GPR158: variants seen among roughly 807,000 people sequenced by gnomAD.
GPR158 encodes the protein metabotropic glycine receptor.
GPR158 carries 30 observed loss-of-function variants against 78.2 expected under a neutral mutation model. The ratio of observed to expected loss-of-function variants is 0.38; its 90% CI spans 0.29 to 0.52. The LOEUF is 0.52. Among genes scored for constraint, GPR158 ranks in the 20% least tolerant of loss-of-function variants. The pLI, the probability that GPR158 is intolerant of heterozygous loss-of-function variation, is 0.83. For synonymous variants in GPR158, 581 were observed against 591.1 expected (o/e 0.98, Z 0.25); for missense variants, 1,463 against 1,523.5 (o/e 0.96, Z 0.66).
At chr10:25,520,978 G>T (rs1836258297) in intron 5 of GPR158, among the ~76,000 whole-genome samples, 2 of 152,320 alleles carry the variant, frequency 1.3e-5, no homozygotes, top group Non-Finnish European at 2.9e-5. Flanking sequence ...CTGGCGCCTT[G>T]CAGTTTGATC....
chr10:25,588,896 AC>A, intron 7 of GPR158, 110 bp from the exon 8 acceptor site: 1 of 570,516 alleles, frequency 1.8e-6, no homozygotes, highest in Non-Finnish European at 2.9e-6. Context: ...AGACTTTCTA[AC>A]CCATCTATTT....
intron 2 of GPR158, among the ~76,000 whole-genome samples, chr10:25,314,573 GT>G (rs1854818453): frequency 6.7e-6 from 1 of 150,192 alleles, no homozygotes; most frequent in Non-Finnish European, 1.5e-5. Flanking sequence ...TTAGATCAAT[GT>G]TTTTCTTTAC....
intron 2 of GPR158, among the ~76,000 whole-genome samples, chr10:25,382,181 A>G (rs1003683669): frequency 2.0e-5 from 3 of 152,212 alleles, no homozygotes; most frequent in Non-Finnish European, 4.4e-5. Context: ...TACGTTTGTC[A>G]AGCCTTTGGG....
At chr10:25,587,141 G>A (rs1837280081) in intron 7 of GPR158, among the ~76,000 whole-genome samples, 1 of 152,186 alleles carries the variant, frequency 6.6e-6, no homozygotes. Flanking sequence ...ATCATGATGG[G>A]TGAGGGATCT....
chr10:25,598,599 C>A lies in GPR158; in HGVS notation c.2973C>A (p.Asn991Lys). The A allele has an allele frequency of 1.2e-6, 2 of 1,614,016 alleles. No homozygotes were observed. The highest frequency in any genetic ancestry group is 4.5e-5 in the East Asian group (2 of 44,850). Residue 991 changes from asparagine to lysine, a missense_variant, in exon 11 of 11, where the codon AAC becomes AAA. Coordinates refer to ENST00000376351, the MANE Select transcript of GPR158 (RefSeq NM_020752.3). ...VNPTTANSDLNPGTTQMKDNF... is the reference protein window; with the variant it reads ...VNPTTANSDLKPGTTQMKDNF... ...CCACCACTGCCAATTCTGACCTGAA[C>A]CCAGGCACCACCCAGATGAAGGACA... is the stretch of plus-strand genomic sequence containing the variant.
intron 2 of GPR158, among the ~76,000 whole-genome samples, chr10:25,261,895 T>C (rs1348212302): frequency 1.3e-5 from 2 of 152,160 alleles, no homozygotes; most frequent in Non-Finnish European, 2.9e-5. Context: ...AGTATGTTAA[T>C]TGACCATAAC....
At chr10:25,413,132 C>A (rs549407241) in intron 4 of GPR158, among the ~76,000 whole-genome samples, 2 of 151,882 alleles carry the variant, frequency 1.3e-5, no homozygotes, top group African/African-American at 4.8e-5. Flanking sequence ...ACCAGCCTGA[C>A]CAACATAGCA....
chr10:25,325,448 T>C (rs1449395590), intron 2 of GPR158, among the ~76,000 whole-genome samples: 2 of 136,320 alleles, frequency 1.5e-5, no homozygotes, highest in South Asian at 2.4e-4. Flanking sequence ...TATATATGTA[T>C]GTCTAAGTAT....
At chr10:25,416,958 G>A (rs956086) in intron 4 of GPR158, among the ~76,000 whole-genome samples, 105,484 of 151,966 alleles carry the variant, frequency 0.69, 37,702 homozygotes, top group Non-Finnish European at 0.8. Flanking sequence ...CATGAGGGCA[G>A]GGATACTGTT....
At chr10:25,246,925 A>G (rs556952449) in intron 2 of GPR158, among the ~76,000 whole-genome samples, 3 of 152,302 alleles carry the variant, frequency 2.0e-5, no homozygotes, top group Admixed American at 6.5e-5. Context: ...ATTAACAGGT[A>G]TTGAAGAGAT....
chr10:25,560,763 A>G (rs986764170), intron 6 of GPR158, among the ~76,000 whole-genome samples: 19 of 152,180 alleles, frequency 1.2e-4, no homozygotes, highest in African/African-American at 4.6e-4. Flanking sequence ...TTCTTAATCT[A>G]TAATAGTATG....
chr10:25,360,553 G>T (rs71495443), intron 2 of GPR158, among the ~76,000 whole-genome samples: 1 of 151,922 alleles, frequency 6.6e-6, no homozygotes, highest in Non-Finnish European at 1.5e-5. Context: ...CAAAGATCAG[G>T]TGGTTGTAGA....
At chr10:25,577,072 T>C (rs1490011815) in intron 7 of GPR158, among the ~76,000 whole-genome samples, 2 of 152,174 alleles carry the variant, frequency 1.3e-5, no homozygotes, top group Admixed American at 6.5e-5. Context: ...GTAATTATTT[T>C]TCACACTATC....
At chr10:25,417,913 C>T (rs1000845753) in intron 4 of GPR158, among the ~76,000 whole-genome samples, 1 of 152,116 alleles carries the variant, frequency 6.6e-6, no homozygotes, top group Non-Finnish European at 1.5e-5. Flanking sequence ...TTCATAAAAT[C>T]TTAGTTGACT....
At chr10:25,251,928 C>G (rs2130722697) in intron 2 of GPR158, among the ~76,000 whole-genome samples, 1 of 152,254 alleles carries the variant, frequency 6.6e-6, no homozygotes, top group African/African-American at 2.4e-5. Context: ...TGGTTCCATT[C>G]TCCCTGTCAC....
intron 6 of GPR158, among the ~76,000 whole-genome samples, chr10:25,555,678 T>A (rs1283854770): frequency 6.6e-6 from 1 of 152,194 alleles, no homozygotes; most frequent in East Asian, 1.9e-4. Context: ...AAGAACATTT[T>A]CCTATTTCCT....
chr10:25,561,884 C>T (rs755893052), intron 6 of GPR158, among the ~76,000 whole-genome samples: 5 of 151,974 alleles, frequency 3.3e-5, no homozygotes, highest in African/African-American at 1.2e-4. Context: ...ATAGTCATAC[C>T]GCAGGTAAGA....
chr10:25,420,334 G>A (rs1295223083), intron 4 of GPR158, among the ~76,000 whole-genome samples: 1 of 137,878 alleles, frequency 7.3e-6, no homozygotes, highest in Non-Finnish European at 1.7e-5. Context: ...ACATTTTTTT[G>A]TAGAGATGGA....
chr10:25,300,838 GGAAA>G (rs1854581491), intron 2 of GPR158, among the ~76,000 whole-genome samples: 1 of 151,930 alleles, frequency 6.6e-6, no homozygotes, highest in African/African-American at 2.4e-5. Context: ...GGAGGGAGTG[GGAAA>G]GAGAGGGAGA....
Sources: gnomAD v4.1 joint callset for allele counts (sites outside exome capture counted in the v4.1 genomes callset) on GRCh38, gnomAD v4.1.1 for gene constraint, MANE v1.5 for transcripts, NCBI Gene and HGNC (gene_info 2026-07-23, HGNC 2026-07-21) for gene names.